Variants in MTTP observed in about 807,000 individuals in gnomAD.
The protein encoded by MTTP is microsomal triglyceride transfer protein, also known as microsomal triglyceride transfer protein large subunit.
In MTTP, 49 loss-of-function variants were observed where a neutral mutation model predicts 90.6. The observed-to-expected ratio is 0.54, with a 90% CI of 0.43 to 0.69. The LOEUF (loss-of-function observed/expected upper bound fraction) is 0.69, where lower values mean the gene tolerates loss of function less well. Among genes scored for constraint, MTTP ranks in the 30% least tolerant of loss-of-function variants. The pLI is 0.00. For missense variants in MTTP, 945 were observed against 1,067.5 expected (o/e 0.89, Z 1.60); for synonymous variants, 347 against 384.2 (o/e 0.90, Z 1.13).
intron 1 of MTTP, among the ~76,000 whole-genome samples, chr4:99,578,728 G>A (rs1285461926): frequency 6.6e-6 from 1 of 152,164 alleles, no homozygotes; most frequent in African/African-American, 2.4e-5. Context: ...TTAACCAGAG[G>A]ACACCTTAAT....
intron 1 of MTTP, among the ~76,000 whole-genome samples, chr4:99,578,302 A>G (rs1725017455): frequency 6.6e-6 from 1 of 152,228 alleles, no homozygotes; most frequent in Admixed American, 6.5e-5. Flanking sequence ...GTTTTATCTA[A>G]CAACAGTTAT....
At chr4:99,600,120 T>C (rs1318029743) in intron 8 of MTTP, among the ~76,000 whole-genome samples, 3 of 152,174 alleles carry the variant, frequency 2.0e-5, no homozygotes, top group African/African-American at 7.2e-5. Flanking sequence ...TTCCATCAAA[T>C]AATACTGCTT....
intron 17 of MTTP, among the ~76,000 whole-genome samples, chr4:99,621,919 G>T (rs1726242932): frequency 6.6e-6 from 1 of 152,166 alleles, no homozygotes; most frequent in Non-Finnish European, 1.5e-5. Flanking sequence ...TTGACCTACG[G>T]TAAGCATAAG....
At chr4:99,571,814 C>A (rs1276721189), upstream of MTTP, among the ~76,000 whole-genome samples, 1 of 151,906 alleles carries the variant, frequency 6.6e-6, no homozygotes, top group Admixed American at 6.6e-5. Flanking sequence ...AAAATGCTAA[C>A]TCCCTCATTG....
intron 3 of MTTP, chr4:99,583,860 T>C: frequency 2.2e-6 from 1 of 446,868 alleles, no homozygotes; most frequent in East Asian, 4.0e-5. Context: ...CAAAGCATGA[T>C]TGGATGAATT....
At chr4:99,602,790 G>T (rs1725728846) in intron 10 of MTTP, among the ~76,000 whole-genome samples, 1 of 151,940 alleles carries the variant, frequency 6.6e-6, no homozygotes, top group South Asian at 2.1e-4. Flanking sequence ...CTTGGCAAAA[G>T]ATAAAACCCA....
chr4:99,576,175 T>C (rs952975108), intron 1 of MTTP, among the ~76,000 whole-genome samples: 1 of 152,204 alleles, frequency 6.6e-6, no homozygotes, highest in African/African-American at 2.4e-5. Context: ...AGAAGATTTA[T>C]AAATTATATC....
intron 3 of MTTP, among the ~76,000 whole-genome samples, chr4:99,587,537 T>C (rs1227196142): frequency 6.6e-6 from 1 of 152,132 alleles, no homozygotes; most frequent in African/African-American, 2.4e-5. Flanking sequence ...AGTCCAAAGA[T>C]TAAATCCAAG....
intron 8 of MTTP, 47 bp downstream of exon 8, chr4:99,597,271 T>A: frequency 6.2e-7 from 1 of 1,603,668 alleles, no homozygotes; most frequent in Non-Finnish European, 8.5e-7. Context: ...GAAACATTTC[T>A]GGATTGTTGG....
Position 99,619,068 on chromosome 4 carries a change from A to T in MTTP, c.2312A>T (p.Tyr771Phe). The change falls in exon 16 of 18, where the codon TAT becomes TTT. Residue 771 changes from tyrosine (Y) to phenylalanine (F), a missense_variant. Tyr to Phe is a conservative substitution (Grantham distance 22). Coordinates refer to ENST00000265517, the MANE Select transcript of MTTP (RefSeq NM_001386140.1). ...GGTGCAATGGAGTTTAGCTTGTGGT[A>T]TCGTGAGTCTAAAACCCGAGTGAAA... is the stretch of plus-strand genomic sequence containing the variant. ...ISGAMEFSLWYRESKTRVKNR... is the reference protein window; with the variant it reads ...ISGAMEFSLWFRESKTRVKNR... 1 of 1,613,672 alleles carries T rather than the reference A, an allele frequency of 6.2e-7. No individual in the cohort carries two copies. The highest frequency in any genetic ancestry group is 8.5e-7 in the Non-Finnish European group (1 of 1,179,614).
chr4:99,600,861 A>G, intron 9 of MTTP, 128 bp downstream of exon 9: 1 of 904,494 alleles, frequency 1.1e-6, no homozygotes, highest in Non-Finnish European at 1.7e-6. Context: ...TCATATTCAA[A>G]TTGGGGTATT....
rs1725167758 is a variant in MTTP at position 99,583,097 on chromosome 4, A to G, written c.250-277A>G. 2.0e-5 allele frequency among the ~76,000 whole-genome samples: 3 copies of G among 152,272 alleles called. No homozygotes were observed. In the Middle Eastern group the frequency reaches 0.01, roughly 518 times the overall value. ...AAAAAACAAATGAAGAGTGGCAATGATAGGAAAGAATCACACTCAAGTCAC... is the reference window on the plus strand; with the variant it reads ...AAAAAACAAATGAAGAGTGGCAATGGTAGGAAAGAATCACACTCAAGTCAC... On this transcript the variant is annotated intron_variant, in intron 2 of 17. Coordinates refer to ENST00000265517, the MANE Select transcript of MTTP (RefSeq NM_001386140.1).
intron 8 of MTTP, among the ~76,000 whole-genome samples, 176 bp from the exon 9 acceptor site, chr4:99,600,389 A>G (rs1578246454): frequency 6.6e-6 from 1 of 152,148 alleles, no homozygotes; most frequent in East Asian, 1.9e-4. Context: ...GAAAATTAAA[A>G]TAAAATGGGG....
At chr4:99,594,656 C>T (rs1725506236) in intron 6 of MTTP, 77 bp from the exon 7 acceptor site, 5 of 1,546,334 alleles carry the variant, frequency 3.2e-6, no homozygotes, top group Non-Finnish European at 4.5e-6. Flanking sequence ...ATCTTGTTTG[C>T]CAAAAGAATG....
upstream of MTTP, among the ~76,000 whole-genome samples, chr4:99,570,476 G>C (rs1724817966): frequency 6.6e-6 from 1 of 151,772 alleles, no homozygotes; most frequent in Non-Finnish European, 1.5e-5. Flanking sequence ...TAATTATGAT[G>C]TATCTACTTG....
rs1013109319 is a variant in MTTP at position 99,608,914 on chromosome 4, A to C, written c.1706A>C (p.Gln569Pro). 2 of 1,614,206 alleles carry C rather than the reference A, an allele frequency of 1.2e-6. No homozygotes were observed. Among genetic ancestry groups the C allele is most frequent in the Middle Eastern group, 3.3e-4 (2 of 6,062 alleles). ...NILLSIGELPQEMNKYMLAIV... is the reference protein window; with the variant it reads ...NILLSIGELPPEMNKYMLAIV... ...CTGCTGTCTATTGGGGAGCTTCCCCAAGAAATGAATAAATACATGCTCGCC... is the reference window on the plus strand; with the variant it reads ...CTGCTGTCTATTGGGGAGCTTCCCCCAGAAATGAATAAATACATGCTCGCC... The change falls in exon 12 of 18, where the codon CAA (glutamine) becomes CCA (proline). Residue 569 changes from glutamine (Q) to proline (P), a missense_variant. Gln to Pro is a moderately conservative substitution (Grantham distance 76). Transcript: ENST00000265517.
intron 1 of MTTP, among the ~76,000 whole-genome samples, chr4:99,578,053 C>T (rs1725010882): frequency 6.6e-6 from 1 of 152,138 alleles, no homozygotes; most frequent in African/African-American, 2.4e-5. Flanking sequence ...TCACCCTTAT[C>T]ATCACTGCAT....
At chr4:99,605,613 T>C (rs1386699689) in intron 10 of MTTP, among the ~76,000 whole-genome samples, 2 of 152,196 alleles carry the variant, frequency 1.3e-5, no homozygotes, top group Admixed American at 6.5e-5. Flanking sequence ...GCAGTTCTGT[T>C]TGTTTTTCTC....
chr4:99,601,813 C>T lies in MTTP; in HGVS notation c.1344+99C>T, dbSNP rs182827300. The T allele has an allele frequency of 1.8e-3, 1,582 of 886,114 alleles. 12 individuals are homozygous for T. In the African/African-American group the frequency reaches 0.02, roughly 11 times the overall value. The allele number at this position is 886,114 out of a possible 1,614,324, so 54.9% of individuals were successfully genotyped here. A position where few individuals can be genotyped will look rare whatever the true frequency, so the allele number is the denominator to read the frequency against. On this transcript the variant is annotated intron_variant, in intron 10 of 17. Coordinates refer to ENST00000265517, the MANE Select transcript of MTTP (RefSeq NM_001386140.1). The stretch of plus-strand genomic sequence containing the variant: ...CTATTGGCACTCCTAATTCTCTTTA[C>T]TCTATTCTACTTACCTTATTTGCAT...
Sources: allele counts gnomAD v4.1 joint callset (sites outside exome capture counted in the v4.1 genomes callset), GRCh38; gene constraint gnomAD v4.1.1; transcripts MANE v1.5; gene names NCBI Gene and HGNC (gene_info 2026-07-23, HGNC 2026-07-21).